Variants in APPBP2 observed in about 807,000 individuals in gnomAD.
The protein encoded by APPBP2 is amyloid protein-binding protein 2.
Under a neutral mutation model 76.0 loss-of-function variants are expected in APPBP2, and 15 were observed. The ratio of observed to expected loss-of-function variants is 0.20; its 90% confidence interval spans 0.13 to 0.30. The LOEUF is 0.30. Ranked by LOEUF, APPBP2 falls within the 10% of genes least tolerant of loss-of-function variation. APPBP2 has a pLI of 1.00. For missense variants in APPBP2, 401 were observed against 687.2 expected (o/e 0.58, Z 4.66); for synonymous variants, 222 against 242.2 (o/e 0.92, Z 0.77).
intron 3 of APPBP2, among the ~76,000 whole-genome samples, chr17:60,481,646 C>T (rs7207818): frequency 0.082 from 12,506 of 152,186 alleles, 1,701 homozygotes; most frequent in African/African-American, 0.28. Flanking sequence ...TAGAATTCAC[C>T]TAAACTCAAG....
At chr17:60,471,674 G>C (rs899259965) in intron 4 of APPBP2, among the ~76,000 whole-genome samples, 3 of 150,842 alleles carry the variant, frequency 2.0e-5, no homozygotes, top group Admixed American at 6.6e-5. Flanking sequence ...ATCTCACTTT[G>C]TCATAGTGTA....
chr17:60,512,111 TTC>T (rs2090918977), intron 1 of APPBP2, among the ~76,000 whole-genome samples: 1 of 151,582 alleles, frequency 6.6e-6, no homozygotes, highest in Admixed American at 6.6e-5. Flanking sequence ...TATTATTATT[TTC>T]TTTTTTTGAG....
At chr17:60,456,511 C>G in intron 9 of APPBP2, 130 bp from the exon 10 acceptor site, 1 of 651,680 alleles carries the variant, frequency 1.5e-6, no homozygotes, top group Non-Finnish European at 2.6e-6. Context: ...AAAGATCCAG[C>G]TTTTTGTTTT....
At chr17:60,519,298 G>A (rs1342748756) in intron 1 of APPBP2, among the ~76,000 whole-genome samples, 1 of 151,940 alleles carries the variant, frequency 6.6e-6, no homozygotes, top group East Asian at 1.9e-4. Context: ...TTCATGATTT[G>A]TACATTACCT....
At chr17:60,452,637 T>C (rs745645436) in intron 11 of APPBP2, among the ~76,000 whole-genome samples, 3 of 152,170 alleles carry the variant, frequency 2.0e-5, no homozygotes, top group Non-Finnish European at 4.4e-5. Flanking sequence ...TAAGAATTTA[T>C]AGGCTGGGCA....
intron 6 of APPBP2, 68 bp downstream of exon 6, chr17:60,463,953 T>C (rs994446117): frequency 1.2e-5 from 13 of 1,118,106 alleles, no homozygotes; most frequent in Non-Finnish European, 1.7e-5. Context: ...AAATAACAGG[T>C]TAATTAAAAC....
At chr17:60,479,072 T>C in intron 4 of APPBP2, 76 bp downstream of exon 4, 3 of 1,427,006 alleles carry the variant, frequency 2.1e-6, no homozygotes, top group Non-Finnish European at 2.9e-6. Flanking sequence ...TGTTGGCATA[T>C]ACTTATAAGA....
intron 8 of APPBP2, 26 bp downstream of exon 8, chr17:60,461,784 G>GA (rs556522916): frequency 1.3e-6 from 2 of 1,534,254 alleles, no homozygotes; most frequent in Non-Finnish European, 1.8e-6. Flanking sequence ...CAGGTTGAAA[G>GA]AAAAAAAGGG....
intron 1 of APPBP2, among the ~76,000 whole-genome samples, chr17:60,515,461 C>T (rs951091069): frequency 3.9e-5 from 6 of 152,124 alleles, no homozygotes; most frequent in African/African-American, 9.7e-5. Context: ...TACAGAAGAG[C>T]GCACAACTCA....
In APPBP2 at chr17:60,525,743, C is replaced by A. The variant is rs779303004; in HGVS notation, c.138+51G>T. 1.2e-5 allele frequency: 20 copies of A among 1,607,478 alleles called. 1 individual carries two copies. The highest frequency in any genetic ancestry group is 1.2e-4 in the Admixed American group (7 of 59,298). ...GGGTTCGCAGACGTGGAAGGGGGTG[C>A]GGCCCCCGGGGTTGCTGGAGGAGAG... is the stretch of plus-strand genomic sequence containing the variant. On this transcript the variant is annotated intron_variant, in intron 1 of 12. Coordinates refer to ENST00000083182, the MANE Select transcript of APPBP2 (RefSeq NM_006380.5).
At chr17:60,485,215 C>T (rs893344245) in intron 3 of APPBP2, among the ~76,000 whole-genome samples, 2 of 152,106 alleles carry the variant, frequency 1.3e-5, no homozygotes, top group African/African-American at 2.4e-5. Context: ...ATGATGCTGG[C>T]CTCATAAAAT....
chr17:60,475,026 G>C (rs1010275569), intron 4 of APPBP2, among the ~76,000 whole-genome samples: 1 of 151,716 alleles, frequency 6.6e-6, no homozygotes, highest in Non-Finnish European at 1.5e-5. Context: ...TCAGGAGATC[G>C]ACACCATCCA....
chr17:60,500,090 C>T (rs1281747637), intron 2 of APPBP2, among the ~76,000 whole-genome samples: 1 of 151,392 alleles, frequency 6.6e-6, no homozygotes, highest in Non-Finnish European at 1.5e-5. Context: ...TGGCTCACTG[C>T]AAGCTCCGCC....
chr17:60,525,138 T>C (rs2091041686), intron 1 of APPBP2, among the ~76,000 whole-genome samples: 1 of 152,218 alleles, frequency 6.6e-6, no homozygotes, highest in South Asian at 2.1e-4. Flanking sequence ...TAAAGATCTC[T>C]CCCTGTCCTC....
intron 4 of APPBP2, among the ~76,000 whole-genome samples, chr17:60,476,512 T>C (rs759710370): frequency 4.6e-5 from 7 of 152,172 alleles, no homozygotes; most frequent in Middle Eastern, 6.8e-3. Context: ...ATGAAAAAAA[T>C]TACTTATTAT....
At chr17:60,489,991 T>A (rs1267323119) in intron 3 of APPBP2, among the ~76,000 whole-genome samples, 2 of 151,986 alleles carry the variant, frequency 1.3e-5, no homozygotes, top group Non-Finnish European at 2.9e-5. Context: ...GCAAAAATCA[T>A]GCCACTGCAC....
chr17:60,507,522 C>T (rs1056548250), intron 1 of APPBP2, among the ~76,000 whole-genome samples: 10 of 151,844 alleles, frequency 6.6e-5, no homozygotes, highest in Admixed American at 5.9e-4. Context: ...ATGCCTGGCC[C>T]CCTTAAATAT....
chr17:60,482,676 T>C (rs2090639675), intron 3 of APPBP2, among the ~76,000 whole-genome samples: 1 of 152,176 alleles, frequency 6.6e-6, no homozygotes. Context: ...AGTGAGAACA[T>C]GTGGTATTTG....
chr17:60,490,755 T>C (rs2090722099), intron 3 of APPBP2, among the ~76,000 whole-genome samples: 1 of 152,162 alleles, frequency 6.6e-6, no homozygotes, highest in Non-Finnish European at 1.5e-5. Context: ...ACTGTTCTTG[T>C]GGTAGTAAGT....
Sources: gnomAD v4.1 joint callset for allele counts (sites outside exome capture counted in the v4.1 genomes callset) on GRCh38, gnomAD v4.1.1 for gene constraint, MANE v1.5 for transcripts, NCBI Gene and HGNC (gene_info 2026-07-23, HGNC 2026-07-21) for gene names.